Variants in EMSY observed in about 807,000 individuals in gnomAD.
EMSY encodes BRCA2-interacting transcriptional repressor EMSY.
EMSY carries 26 observed loss-of-function variants against 134.6 expected under a neutral mutation model. That is an observed-to-expected ratio of 0.19 (90% CI 0.14 to 0.27). EMSY has a LOEUF of 0.27. Among genes scored for constraint, EMSY ranks in the 10% least tolerant of loss-of-function variants. The pLI is 1.00. For missense variants in EMSY, 1,305 were observed against 1,611.4 expected (o/e 0.81, Z 3.26); for synonymous variants, 579 against 577.8 (o/e 1.00, Z -0.03).
Position 76,550,316 on chromosome 11 carries a change from T to C in EMSY, c.*170T>C, listed in dbSNP as rs1029089301. The C allele has an allele frequency of 7.3e-5, 32 of 439,220 alleles. No homozygotes were observed. In the East Asian group the frequency reaches 1.1e-3, roughly 15 times the overall value. 27.2% of individuals were successfully genotyped at this position (439,220 alleles called of 1,614,324 possible). A position where few individuals can be genotyped will look rare whatever the true frequency, so the allele number is the denominator to read the frequency against. On this transcript the variant is annotated 3_prime_UTR_variant, in exon 21 of 21. Transcript: ENST00000334736. Reference sequence around the variant, plus strand: ...GCAGGAGCAGCTTTTTAAAACAAGATAAAACTCACAGGGGAATGTACTTTT... The same window carrying C: ...GCAGGAGCAGCTTTTTAAAACAAGACAAAACTCACAGGGGAATGTACTTTT...
intron 5 of EMSY, chr11:76,458,852 T>C (rs1947986178): frequency 6.6e-6 from 1 of 152,408 alleles, no homozygotes; most frequent in East Asian, 1.9e-4. Flanking sequence ...AATTGACACA[T>C]GCTTTAAAAA....
chr11:76,540,382 C>A (rs1951389872), intron 17 of EMSY, among the ~76,000 whole-genome samples: 1 of 151,952 alleles, frequency 6.6e-6, no homozygotes, highest in Admixed American at 6.6e-5. Context: ...TTAGTGTAAA[C>A]CTTGACTATC....
At chr11:76,446,578 C>CT (rs1947420801) in intron 1 of EMSY, among the ~76,000 whole-genome samples, 1 of 152,030 alleles carries the variant, frequency 6.6e-6, no homozygotes, top group Non-Finnish European at 1.5e-5. Flanking sequence ...ATATAGTGTT[C>CT]TTTAATACGC....
chr11:76,506,342 T>C (rs1365585301), intron 9 of EMSY, among the ~76,000 whole-genome samples: 1 of 152,128 alleles, frequency 6.6e-6, no homozygotes, highest in East Asian at 1.9e-4. Context: ...ACAAAAATTA[T>C]AAACTGTGAT....
chr11:76,464,986 T>C (rs1196025929), intron 7 of EMSY, among the ~76,000 whole-genome samples: 1 of 152,230 alleles, frequency 6.6e-6, no homozygotes, highest in East Asian at 1.9e-4. Flanking sequence ...AGATACTGTT[T>C]TTCTCTTTAC....
intron 13 of EMSY, among the ~76,000 whole-genome samples, chr11:76,526,860 T>G (rs1950863605): frequency 6.6e-6 from 1 of 152,180 alleles, no homozygotes; most frequent in East Asian, 1.9e-4. Flanking sequence ...CAGCAAAGAT[T>G]ATGGGGAAAT....
At chr11:76,509,537 C>G (rs1368870740) in intron 9 of EMSY, among the ~76,000 whole-genome samples, 1 of 152,088 alleles carries the variant, frequency 6.6e-6, no homozygotes, top group Admixed American at 6.6e-5. Flanking sequence ...AAAAAACACA[C>G]TAGTACTGAG....
intron 7 of EMSY, among the ~76,000 whole-genome samples, chr11:76,471,814 A>G (rs1276184392): frequency 6.6e-6 from 1 of 152,114 alleles, no homozygotes; most frequent in Non-Finnish European, 1.5e-5. Context: ...TTTGTACCCT[A>G]TACATTTCTA....
At chr11:76,542,258 G>A (rs183730656) in exon 18 of EMSY, 25 of 1,614,132 alleles carry the variant, frequency 1.5e-5, no homozygotes, top group Admixed American at 1.2e-4. Context: ...CAGCCCCAGC[G>A]GACCCTGCTC....
chr11:76,544,195 A>G, intron 18 of EMSY, 64 bp from the exon 20 acceptor site: 1 of 1,452,386 alleles, frequency 6.9e-7, no homozygotes, highest in South Asian at 1.4e-5. Flanking sequence ...TTCAGTTAAG[A>G]GGAAAATGTA....
At chr11:76,550,309 A>G in exon 21 of EMSY, 1 of 452,060 alleles carries the variant, frequency 2.2e-6, no homozygotes. Context: ...AGCTTTTTAA[A>G]ACAAGATAAA....
At chr11:76,518,094 G>A (rs1950509395) in intron 11 of EMSY, among the ~76,000 whole-genome samples, 3 of 150,314 alleles carry the variant, frequency 2.0e-5, no homozygotes, top group Admixed American at 2.0e-4. Flanking sequence ...AATTTACACA[G>A]TTTTCTGTCT....
At position 76,522,352 on chromosome 11, in the gene EMSY, C is replaced by CTTTTTTT. The variant is rs71040003; in HGVS notation, c.1685-779_1685-773dup. 2.0e-3 allele frequency among the ~76,000 whole-genome samples: 90 copies of CTTTTTTT among 44,248 alleles called. 7 individuals are homozygous for CTTTTTTT. The highest frequency in any genetic ancestry group is 2.6e-3 in the East Asian group (3 of 1,134). 29.0% of individuals were successfully genotyped at this position (44,248 alleles called of 152,430 possible). On this transcript the variant is annotated intron_variant, in intron 11 of 20. Transcript: ENST00000334736. ...CTTGTTTTGTATATCGTTTACTTTG[C>CTTTTTTT]TTTTTTTTTTTTTTTTTTTTTTTTT... is the stretch of plus-strand genomic sequence containing the variant.
intron 8 of EMSY, among the ~76,000 whole-genome samples, chr11:76,474,508 G>A (rs1222100018): frequency 1.3e-5 from 2 of 152,130 alleles, no homozygotes; most frequent in African/African-American, 2.4e-5. Flanking sequence ...GATGTATTAT[G>A]TATTTTATGT....
At chr11:76,478,712 T>A (rs1948861274) in intron 8 of EMSY, among the ~76,000 whole-genome samples, 1 of 151,970 alleles carries the variant, frequency 6.6e-6, no homozygotes, top group South Asian at 2.1e-4. Context: ...TCTTCATATA[T>A]CGTTGCTTCG....
intron 9 of EMSY, among the ~76,000 whole-genome samples, chr11:76,505,089 G>A: frequency 6.6e-6 from 1 of 152,144 alleles, no homozygotes; most frequent in Non-Finnish European, 1.5e-5. Context: ...TTGTTATGAT[G>A]GCTGAACATA....
chr11:76,505,249 C>G (rs1347302185), intron 9 of EMSY, among the ~76,000 whole-genome samples: 1 of 150,062 alleles, frequency 6.7e-6, no homozygotes, highest in Non-Finnish European at 1.5e-5. Flanking sequence ...TTTGGGAGGC[C>G]AAGGCGGGCG....
intron 9 of EMSY, among the ~76,000 whole-genome samples, chr11:76,504,912 C>A (rs1310368245): frequency 6.6e-6 from 1 of 152,088 alleles, no homozygotes; most frequent in Non-Finnish European, 1.5e-5. Flanking sequence ...CAGAAGACCA[C>A]GTATTATATG....
chr11:76,445,277 A>G, intron 1 of EMSY, 149 bp downstream of exon 1: 1 of 153,342 alleles, frequency 6.5e-6, no homozygotes, highest in Non-Finnish European at 1.5e-5. Context: ...CCCGGGGTGG[A>G]CTCAGGGGGA....
Sources: allele counts gnomAD v4.1 joint callset (sites outside exome capture counted in the v4.1 genomes callset), GRCh38; gene constraint gnomAD v4.1.1; transcripts MANE v1.5; gene names NCBI Gene and HGNC (gene_info 2026-07-23, HGNC 2026-07-21).